Variants in DHX9 observed in about 807,000 individuals in gnomAD.
DHX9 encodes DExH-box helicase 9, also known as ATP-dependent RNA helicase A.
Under a neutral mutation model 148.7 loss-of-function variants are expected in DHX9, and 27 were observed. The ratio of observed to expected loss-of-function variants is 0.18; its 90% confidence interval spans 0.13 to 0.25. The LOEUF (loss-of-function observed/expected upper bound fraction) is 0.25. Among genes scored for constraint, DHX9 ranks in the 10% least tolerant of loss-of-function variants. DHX9 has a pLI of 1.00. For missense variants in DHX9, 796 were observed against 1,559.6 expected, an observed-to-expected ratio of 0.51 and a Z score of 8.25; for synonymous variants, 529 against 516.6, an observed-to-expected ratio of 1.02 and a Z score of -0.33.
chr1:182,861,377 C>G (rs982644480), intron 12 of DHX9, among the ~76,000 whole-genome samples: 1 of 152,198 alleles, frequency 6.6e-6, no homozygotes, highest in African/African-American at 2.4e-5. Context: ...ACAGTGAAGG[C>G]TGCAGCCCCA....
At chr1:182,852,146 A>G (rs1458516956) in intron 3 of DHX9, 87 bp from the exon 4 acceptor site, 16 of 738,482 alleles carry the variant, frequency 2.2e-5, no homozygotes, top group Non-Finnish European at 2.5e-5. Context: ...GAGGTATGAC[A>G]CATGGGTCCT....
chr1:182,853,469 G>GT lies in DHX9; in HGVS notation c.477+53dup. On this transcript the variant is annotated intron_variant, in intron 5 of 27. Coordinates refer to ENST00000367549, the MANE Select transcript of DHX9 (RefSeq NM_001357.5). Reference sequence around the variant, plus strand: ...CTCTGAGAATGTGATTTGGGACTTAGTTAACAGCAAAGCTTAGGATTAGGA... The same window carrying GT: ...CTCTGAGAATGTGATTTGGGACTTAGTTTAACAGCAAAGCTTAGGATTAGGA... 2.2e-6 allele frequency: 3 copies of GT among 1,375,036 alleles called. No homozygotes were observed. In the East Asian group the frequency reaches 6.9e-5, roughly 32 times the overall value. The allele number at this position is 1,375,036 out of a possible 1,614,324, so 85.2% of individuals were successfully genotyped here.
chr1:182,873,282 C>G (rs1256353179), intron 15 of DHX9, among the ~76,000 whole-genome samples: 2 of 152,032 alleles, frequency 1.3e-5, no homozygotes, highest in Admixed American at 6.6e-5. Flanking sequence ...GGAGTTGTTA[C>G]CACAGTTTTC....
At position 182,866,593 on chromosome 1, in the gene DHX9, A is replaced by G; in HGVS notation, c.1474+8A>G. On this transcript the variant is annotated splice_region_variant and intron_variant, in intron 13 of 27. Coordinates refer to ENST00000367549, the MANE Select transcript of DHX9 (RefSeq NM_001357.5). ...TAATGTTTTGTACTGTAGGTCAGTA[A>G]TGTATTTTGATTTTTCATTTGGGGT... 6.2e-7 allele frequency: 1 copy of G among 1,605,502 alleles called. No individual in the cohort carries two copies. The highest frequency in any genetic ancestry group is 8.5e-7 in the Non-Finnish European group (1 of 1,174,324).
chr1:182,843,456 C>G, intron 3 of DHX9, 22 bp downstream of exon 3: 1 of 1,554,194 alleles, frequency 6.4e-7, no homozygotes, highest in African/African-American at 1.4e-5. Context: ...TGGCGAAGCA[C>G]TTGAGATGTA....
At chr1:182,845,131 C>T (rs542159109) in intron 3 of DHX9, among the ~76,000 whole-genome samples, 2 of 152,270 alleles carry the variant, frequency 1.3e-5, no homozygotes, top group African/African-American at 4.8e-5. Context: ...ATTATAGTAT[C>T]TTACAGTCTT....
intron 12 of DHX9, among the ~76,000 whole-genome samples, chr1:182,864,438 G>A (rs1648193854): frequency 2.0e-5 from 3 of 152,102 alleles, no homozygotes; most frequent in South Asian, 2.1e-4. Context: ...ACTTGTATAC[G>A]CCTTTGATCA....
chr1:182,880,758 G>A, intron 22 of DHX9, 150 bp downstream of exon 22: 3 of 588,496 alleles, frequency 5.1e-6, no homozygotes, highest in Non-Finnish European at 9.1e-6. Context: ...TGAGAGCAGT[G>A]TAACACTAAA....
intron 15 of DHX9, among the ~76,000 whole-genome samples, chr1:182,873,437 T>C (rs1224804686): frequency 6.6e-6 from 1 of 152,212 alleles, no homozygotes; most frequent in African/African-American, 2.4e-5. Context: ...TATAATTCAC[T>C]GGGGTACAGG....
intron 7 of DHX9, among the ~76,000 whole-genome samples, chr1:182,856,862 T>G (rs1571304459): frequency 6.6e-6 from 1 of 152,278 alleles, no homozygotes; most frequent in Non-Finnish European, 1.5e-5. Flanking sequence ...ACCTTTTTTG[T>G]TTTTTGAGAC....
intron 27 of DHX9, among the ~76,000 whole-genome samples, chr1:182,886,743 G>A (rs1649348793): frequency 6.6e-6 from 1 of 152,142 alleles, no homozygotes; most frequent in African/African-American, 2.4e-5. Flanking sequence ...TGGTGATAAA[G>A]ACCAAATAGT....
At chr1:182,850,089 T>C (rs993094214) in intron 3 of DHX9, among the ~76,000 whole-genome samples, 1 of 151,584 alleles carries the variant, frequency 6.6e-6, no homozygotes, top group African/African-American at 2.4e-5. Flanking sequence ...TCTCTAATTA[T>C]CTTTCTGTCT....
intron 4 of DHX9, among the ~76,000 whole-genome samples, chr1:182,852,958 GCT>G (rs1668182509): frequency 1.0e-5 from 1 of 96,900 alleles, no homozygotes; most frequent in Non-Finnish European, 1.8e-5. Context: ...GCAGAGTCTT[GCT>G]CTGTCACCCA....
At chr1:182,850,076 G>T (rs1668107233) in intron 3 of DHX9, among the ~76,000 whole-genome samples, 1 of 149,094 alleles carries the variant, frequency 6.7e-6, no homozygotes, top group Non-Finnish European at 1.5e-5. Flanking sequence ...TCTGGCACTG[G>T]ATTCTCTAAT....
In DHX9 at chr1:182,876,194, T is replaced by C. The variant is rs1351532951; in HGVS notation, c.1960T>C (p.Leu654=). 1 of 1,614,010 alleles carries C rather than the reference T, an allele frequency of 6.2e-7. No individual in the cohort carries two copies. Among genetic ancestry groups the C allele is most frequent in the East Asian group, 2.2e-5 (1 of 44,860 alleles). The change falls in exon 17 of 28, where the codon TTG becomes CTG. Residue 654 remains leucine (L), a synonymous_variant. Coordinates refer to ENST00000367549, the MANE Select transcript of DHX9 (RefSeq NM_001357.5). ...IETLNVPGAV[L]VFLPGWNLIY... is the part of the protein sequence containing the mutation. ...AACCCTTAATGTTCCTGGAGCTGTG[T>C]TGGTTTTTTTGCCTGGCTGGAATCT... is the stretch of plus-strand genomic sequence containing the variant.
chr1:182,876,158 A>G lies in DHX9; in HGVS notation c.1924A>G (p.Lys642Glu). 6.2e-7 allele frequency: 1 copy of G among 1,614,028 alleles called. No homozygotes were observed. The highest frequency in any genetic ancestry group is 8.5e-7 in the Non-Finnish European group (1 of 1,179,898). ...TTTTGAACTCATCGAGGCTCTACTT[A>G]AGTACATTGAAACCCTTAATGTTCC... is the stretch of plus-strand genomic sequence containing the variant. ...TPFELIEALL[K>E]YIETLNVPGA... is the part of the protein sequence containing the mutation. Residue 642 changes from lysine (K) to glutamate (E), a missense_variant, in exon 17 of 28, where the codon AAG becomes GAG. Around this residue, in one of 14 missense-constraint regions of DHX9, gnomAD observed 133 missense variants for 223.8 expected, o/e 0.59. Coordinates refer to ENST00000367549, the MANE Select transcript of DHX9 (RefSeq NM_001357.5).
At position 182,841,451 on chromosome 1, in the gene DHX9, T is replaced by A. The variant is rs76605184; in HGVS notation, c.-22-1094T>A. 1.4e-3 allele frequency among the ~76,000 whole-genome samples: 210 copies of A among 152,358 alleles called. 1 individual carries two copies. The East Asian group carries it at 0.033, about 24-fold the overall frequency. On this transcript the variant is annotated intron_variant, in intron 1 of 27. Coordinates refer to ENST00000367549, the MANE Select transcript of DHX9 (RefSeq NM_001357.5). ...CATATTACTCATTCACCATGAGGGC[T>A]TGTTGTTTAATTATTCACGAGGTGG...
intron 3 of DHX9, among the ~76,000 whole-genome samples, chr1:182,850,094 C>T (rs1187870778): frequency 6.7e-6 from 1 of 149,614 alleles, no homozygotes; most frequent in Non-Finnish European, 1.5e-5. Flanking sequence ...AATTATCTTT[C>T]TGTCTCTGAC....
intron 20 of DHX9, 48 bp from the exon 21 acceptor site, chr1:182,879,202 C>CT (rs1354612842): frequency 7.3e-7 from 1 of 1,375,704 alleles, no homozygotes. Flanking sequence ...TTATTAACAT[C>CT]TGTGTATACA....
Sources: allele counts gnomAD v4.1 joint callset (sites outside exome capture counted in the v4.1 genomes callset), GRCh38; gene constraint gnomAD v4.1.1; regional missense constraint gnomAD v4.1.1; transcripts MANE v1.5; gene names NCBI Gene and HGNC (gene_info 2026-07-23, HGNC 2026-07-21).